The following KCTD1 variants were observed in gnomAD, a reference collection of about 807,000 sequenced individuals.
KCTD1 encodes the protein potassium channel tetramerization domain containing 1.
A neutral mutation model predicts 66.0 loss-of-function variants in KCTD1; 24 were observed. The ratio of observed to expected loss-of-function variants is 0.36; its 90% CI spans 0.26 to 0.51. The LOEUF (loss-of-function observed/expected upper bound fraction) is 0.51, where lower values mean the gene tolerates loss of function less well. Among genes scored for constraint, KCTD1 ranks in the 20% least tolerant of loss-of-function variants. The pLI, the probability that KCTD1 is intolerant of heterozygous loss-of-function variation, is 0.95. For synonymous variants in KCTD1, 511 were observed against 517.2 expected (o/e 0.99, Z 0.16); for missense variants, 943 against 1,205.2 (o/e 0.78, Z 3.22).
At chr18:26,634,041 T>G (rs1987673647), upstream of KCTD1, among the ~76,000 whole-genome samples, 1 of 152,206 alleles carries the variant, frequency 6.6e-6, no homozygotes, top group South Asian at 2.1e-4. Flanking sequence ...AAAAACATGC[T>G]GACAAAATAA....
upstream of KCTD1, chr18:26,548,833 A>G (rs1985414245): frequency 1.1e-6 from 1 of 948,294 alleles, no homozygotes; most frequent in African/African-American, 1.8e-5. Flanking sequence ...ACTTTGAAGG[A>G]AAAAAAAAAG....
At chr18:26,533,507 G>A (rs1263667639) in intron 1 of KCTD1, among the ~76,000 whole-genome samples, 1 of 152,030 alleles carries the variant, frequency 6.6e-6, no homozygotes, top group Non-Finnish European at 1.5e-5. Context: ...CTAGCTAAGT[G>A]GCCATAAGAA....
At chr18:26,634,829 T>C (rs999540994) in intron 1 of KCTD1, among the ~76,000 whole-genome samples, 1 of 152,156 alleles carries the variant, frequency 6.6e-6, no homozygotes, top group African/African-American at 2.4e-5. Context: ...CAGCTAGGAA[T>C]TGGCCAACCA....
intron 2 of KCTD1, among the ~76,000 whole-genome samples, chr18:26,499,709 C>T (rs1982656217): frequency 6.6e-6 from 1 of 152,200 alleles, no homozygotes; most frequent in Admixed American, 6.5e-5. Flanking sequence ...TCTACTTAGA[C>T]TGTAAGCTAT....
chr18:26,517,416 G>T (rs750738748), intron 1 of KCTD1, among the ~76,000 whole-genome samples: 6 of 152,182 alleles, frequency 3.9e-5, no homozygotes, highest in Admixed American at 3.9e-4. Context: ...AACACTTTGG[G>T]AGGCTGAGGT....
chr18:26,494,713 G>A (rs887167298), intron 2 of KCTD1, among the ~76,000 whole-genome samples: 1 of 152,136 alleles, frequency 6.6e-6, no homozygotes, highest in Admixed American at 6.5e-5. Context: ...GAGAGAGAGA[G>A]AAGAGGAAAA....
chr18:26,521,539 G>A (rs557105804), intron 1 of KCTD1, among the ~76,000 whole-genome samples: 3 of 152,228 alleles, frequency 2.0e-5, no homozygotes, highest in Admixed American at 2.0e-4. Flanking sequence ...TCTCCTACAG[G>A]GCTACGGGCA....
intron 1 of KCTD1, among the ~76,000 whole-genome samples, chr18:26,513,907 C>A (rs1228785300): frequency 6.6e-6 from 1 of 152,224 alleles, no homozygotes. Flanking sequence ...AACAATCACA[C>A]CATTTGCTCT....
upstream of KCTD1, chr18:26,548,586 A>G: frequency 8.3e-7 from 1 of 1,199,208 alleles, no homozygotes; most frequent in East Asian, 3.5e-5. Context: ...GCTATATTGG[A>G]CCGCAGCGCT....
At chr18:26,518,453 A>T (rs1338507809) in intron 1 of KCTD1, among the ~76,000 whole-genome samples, 1 of 152,126 alleles carries the variant, frequency 6.6e-6, no homozygotes, top group Non-Finnish European at 1.5e-5. Flanking sequence ...TTTAGTAGAG[A>T]CGGGGTTTCA....
intron 1 of KCTD1, among the ~76,000 whole-genome samples, chr18:26,559,798 C>G (rs1219681278): frequency 6.6e-6 from 1 of 152,170 alleles, no homozygotes; most frequent in South Asian, 2.1e-4. Flanking sequence ...TTCCACTGAT[C>G]TAAATTGTCT....
intron 1 of KCTD1, among the ~76,000 whole-genome samples, chr18:26,583,400 AAAAAAAAAAAAAAAAAAG>A (rs1252825410): frequency 2.0e-5 from 3 of 149,238 alleles, no homozygotes; most frequent in Admixed American, 2.0e-4. Context: ...TCTCAAAAAA[AAAAAAAAAAAAAAAAAAG>A]AAAAAGAAAA....
chr18:26,606,460 T>C (rs1987017837), intron 1 of KCTD1, among the ~76,000 whole-genome samples: 3 of 152,198 alleles, frequency 2.0e-5, no homozygotes, highest in Non-Finnish European at 2.9e-5. Context: ...ATGGGTCCAC[T>C]ACCCCACTCT....
At chr18:26,628,829 G>A (rs1279128467) in intron 1 of KCTD1, among the ~76,000 whole-genome samples, 1 of 152,214 alleles carries the variant, frequency 6.6e-6, no homozygotes, top group Non-Finnish European at 1.5e-5. Context: ...GAACTGCAGA[G>A]TCTATGCTAT....
chr18:26,652,459 A>G (rs774918678), intron 1 of KCTD1, among the ~76,000 whole-genome samples: 2 of 152,204 alleles, frequency 1.3e-5, no homozygotes, highest in African/African-American at 4.8e-5. Context: ...ATGTAAACGG[A>G]CTTTTAAAAA....
At chr18:26,562,583 A>G (rs1985886332) in intron 1 of KCTD1, among the ~76,000 whole-genome samples, 1 of 152,204 alleles carries the variant, frequency 6.6e-6, no homozygotes, top group South Asian at 2.1e-4. Flanking sequence ...TTTGAAATCC[A>G]TCTATTATGT....
At chr18:26,632,279 G>A (rs1219987797), upstream of KCTD1, among the ~76,000 whole-genome samples, 1 of 151,446 alleles carries the variant, frequency 6.6e-6, no homozygotes, top group Non-Finnish European at 1.5e-5. Context: ...CCAGCTACTC[G>A]GGAGGATGAG....
intron 1 of KCTD1, among the ~76,000 whole-genome samples, chr18:26,508,589 T>C (rs1983168108): frequency 6.6e-6 from 1 of 152,230 alleles, no homozygotes; most frequent in Non-Finnish European, 1.5e-5. Context: ...CAGAAAAGCA[T>C]GTCAGTGGTA....
intron 1 of KCTD1, among the ~76,000 whole-genome samples, chr18:26,501,928 T>C (rs1394397095): frequency 6.6e-6 from 1 of 152,196 alleles, no homozygotes; most frequent in Non-Finnish European, 1.5e-5. Context: ...GAAATCAAGT[T>C]CCCAAAGTGT....
Sources: gnomAD v4.1 joint callset for allele counts (sites outside exome capture counted in the v4.1 genomes callset) on GRCh38, gnomAD v4.1.1 for gene constraint, MANE v1.5 for transcripts, NCBI Gene and HGNC (gene_info 2026-07-23, HGNC 2026-07-21) for gene names.